The following SRP72 variants were observed in gnomAD, a reference collection of about 807,000 sequenced individuals.
SRP72 encodes signal recognition particle 72, also known as signal recognition particle subunit SRP72.
Under a neutral mutation model 96.3 loss-of-function variants are expected in SRP72, and 49 were observed. The ratio of observed to expected loss-of-function variants is 0.51; its 90% confidence interval spans 0.40 to 0.65. The LOEUF is 0.65. SRP72 is among the 30% of genes least tolerant of loss of function. The probability of loss-of-function intolerance (pLI) is 0.00; values close to 1 mark genes in which losing one functional copy is unlikely to be tolerated. For missense variants in SRP72, 736 were observed against 793.3 expected (o/e 0.93, Z 0.87); for synonymous variants, 267 against 275.2 (o/e 0.97, Z 0.30).
At chr4:56,467,808 C>A in intron 1 of SRP72, 64 bp downstream of exon 1, 1 of 1,357,758 alleles carries the variant, frequency 7.4e-7, no homozygotes. Flanking sequence ...CTGTTTCCGG[C>A]GCGCGAGACC....
At position 56,478,494 on chromosome 4, in the gene SRP72, T is replaced by G; in HGVS notation, c.758T>G (p.Ile253Arg). The G allele has an allele frequency of 1.9e-6, 3 of 1,613,984 alleles. No homozygotes were observed. The highest frequency in any genetic ancestry group is 2.5e-6 in the Non-Finnish European group (3 of 1,179,958). Reference protein sequence around the residue: ...EEALQLYNQIIKLKPTDVGLL... With the variant: ...EEALQLYNQIRKLKPTDVGLL... Reference sequence around the variant, plus strand: ...GCTTTGCAACTTTACAATCAAATAATAAAACTAAAGTGAGTTATTAAAAGG... The same window carrying G: ...GCTTTGCAACTTTACAATCAAATAAGAAAACTAAAGTGAGTTATTAAAAGG... Residue 253 changes from isoleucine (I) to arginine (R), a missense_variant, in exon 7 of 19, where the codon ATA (isoleucine) becomes AGA (arginine). Around this residue, in one of 3 missense-constraint regions of SRP72, gnomAD observed 329 missense variants for 319.0 expected, o/e 1.03. Transcript: ENST00000642900.
intron 3 of SRP72, among the ~76,000 whole-genome samples, 165 bp from the exon 4 acceptor site, chr4:56,473,889 G>A (rs915376401): frequency 6.6e-6 from 1 of 152,196 alleles, no homozygotes; most frequent in Admixed American, 6.5e-5. Context: ...TTGAAAGTAT[G>A]ACTAGTACAT....
chr4:56,472,705 G>A lies in SRP72; in HGVS notation c.354+862G>A, dbSNP rs116261459. Among the ~76,000 whole-genome samples the A allele has an allele frequency of 5.4e-3, 823 of 152,210 alleles. 8 individuals carry two copies. Among genetic ancestry groups the A allele is most frequent in the African/African-American group, 0.019 (778 of 41,534 alleles). On this transcript the variant is annotated intron_variant, in intron 3 of 18. Transcript: ENST00000642900. ...CAAATAATGTTGTATTGAATGTATT[G>A]TCCTCAGGAGGTAGTATGGATTTAA... is the stretch of plus-strand genomic sequence containing the variant.
In SRP72 at chr4:56,467,653, C is replaced by CG. The variant is rs763130641; in HGVS notation, c.25dup (p.Val9GlyfsTer9). 58 of 1,550,684 alleles carry CG rather than the reference C, an allele frequency of 3.7e-5. No homozygotes were observed. Among genetic ancestry groups the CG allele is most frequent in the Middle Eastern group, 1.7e-4 (1 of 5,892 alleles). The stretch of plus-strand genomic sequence containing the variant: ...CCTCCAAGATGGCGAGCGGCGGCAG[C>CG]GGGGGGGTGTCAGTACCTGCGCTGT... On this transcript the variant is annotated frameshift_variant, in exon 1 of 19. Coordinates refer to ENST00000642900, the MANE Select transcript of SRP72 (RefSeq NM_006947.4). LOFTEE classifies it high-confidence loss of function.
chr4:56,495,482 C>A, intron 17 of SRP72, 88 bp downstream of exon 17: 1 of 774,082 alleles, frequency 1.3e-6, no homozygotes, highest in Non-Finnish European at 2.0e-6. Context: ...CATAAATATA[C>A]TGCCCTCCCT....
intron 1 of SRP72, among the ~76,000 whole-genome samples, chr4:56,468,057 T>A (rs2110109176): frequency 6.6e-6 from 1 of 152,370 alleles, no homozygotes; most frequent in Non-Finnish European, 1.5e-5. Context: ...TTTTCTTATT[T>A]GACTCCTTTG....
At chr4:56,482,572 T>A (rs975422770) in intron 8 of SRP72, among the ~76,000 whole-genome samples, 2 of 152,328 alleles carry the variant, frequency 1.3e-5, no homozygotes, top group African/African-American at 2.4e-5. Flanking sequence ...ACTCCTTCTA[T>A]TGTAATATTT....
chr4:56,499,425 C>T (rs1194421040), intron 17 of SRP72, among the ~76,000 whole-genome samples: 1 of 152,174 alleles, frequency 6.6e-6, no homozygotes, highest in South Asian at 2.1e-4. Context: ...AAGAAGCTAT[C>T]ATCAGAGTAA....
chr4:56,481,767 CCTT>C (rs1720497175), intron 8 of SRP72, among the ~76,000 whole-genome samples: 1 of 139,180 alleles, frequency 7.2e-6, no homozygotes, highest in Non-Finnish European at 1.5e-5. Flanking sequence ...TCTGTTGGCT[CCTT>C]TTTTTTTTTT....
intron 17 of SRP72, among the ~76,000 whole-genome samples, chr4:56,497,944 T>A (rs1721134082): frequency 6.6e-6 from 1 of 152,202 alleles, no homozygotes; most frequent in Non-Finnish European, 1.5e-5. Flanking sequence ...GATGAATGAC[T>A]TTCCTTTCTC....
chr4:56,502,483 GTATATATATATACA>G lies in SRP72; in HGVS notation c.*635_*648del, dbSNP rs1179610694. ...TTCATGTTTATATATATATATATAT[GTATATATATATACA>G]TATATATATATATATAAACATGAAA... is the stretch of plus-strand genomic sequence containing the variant. On this transcript the variant is annotated 3_prime_UTR_variant, in exon 19 of 19. Transcript: ENST00000642900. 6.6e-5 allele frequency: 6 copies of G among 91,098 alleles called. No homozygotes were observed. The highest frequency in any genetic ancestry group is 5.0e-4 in the East Asian group (1 of 1,994). The allele number at this position is 91,098 out of a possible 1,614,324, so 5.6% of individuals were successfully genotyped here. A position where few individuals can be genotyped will look rare whatever the true frequency, so the allele number is the denominator to read the frequency against.
At chr4:56,474,963 C>T (rs1314531671) in intron 5 of SRP72, among the ~76,000 whole-genome samples, 2 of 152,028 alleles carry the variant, frequency 1.3e-5, no homozygotes, top group African/African-American at 2.4e-5. Context: ...GGGATTACAG[C>T]CGTGAGCCAC....
intron 1 of SRP72, among the ~76,000 whole-genome samples, chr4:56,467,993 G>A (rs1719814452): frequency 6.6e-6 from 1 of 152,252 alleles, no homozygotes; most frequent in African/African-American, 2.4e-5. Context: ...CCCTCCGCGG[G>A]AAGCGAGGGA....
At position 56,482,777 on chromosome 4, in the gene SRP72, A is replaced by G. The variant is rs554891479; in HGVS notation, c.826-362A>G. The stretch of plus-strand genomic sequence containing the variant: ...TCCCTTTTTTTCCTTCAAAAAGCTC[A>G]AAACAAGCAATTAATAGTGGAAAAA... On this transcript the variant is annotated intron_variant, in intron 8 of 18. Transcript: ENST00000642900. Among the ~76,000 whole-genome samples the G allele has an allele frequency of 6.6e-5, 10 of 152,354 alleles. No homozygotes were observed. The South Asian group carries it at 2.1e-3, about 32-fold the overall frequency.
intron 16 of SRP72, among the ~76,000 whole-genome samples, chr4:56,492,832 C>T (rs1720953055): frequency 1.3e-5 from 2 of 152,020 alleles, no homozygotes; most frequent in Admixed American, 6.6e-5. Context: ...TAAGGACACG[C>T]AGTTCCTTCT....
intron 10 of SRP72, 127 bp from the exon 11 acceptor site, chr4:56,486,198 A>T: frequency 1.6e-6 from 1 of 632,156 alleles, no homozygotes; most frequent in Non-Finnish European, 2.5e-6. Context: ...TAAGATTTTG[A>T]CCTGCAGCCA....
chr4:56,485,295 AACT>A (rs1392589706), intron 10 of SRP72, among the ~76,000 whole-genome samples: 1 of 151,930 alleles, frequency 6.6e-6, no homozygotes, highest in Non-Finnish European at 1.5e-5. Flanking sequence ...CTTGAATATA[AACT>A]ACATTGGAAA....
chr4:56,474,690 C>G (rs566163199), intron 5 of SRP72, among the ~76,000 whole-genome samples: 6 of 151,932 alleles, frequency 3.9e-5, no homozygotes, highest in Admixed American at 3.9e-4. Flanking sequence ...ATTATAGGTG[C>G]GCGTCACCAC....
At chr4:56,483,682 AAAAG>A (rs747197952) in intron 9 of SRP72, among the ~76,000 whole-genome samples, 22 of 152,314 alleles carry the variant, frequency 1.4e-4, no homozygotes, top group African/African-American at 2.6e-4. Context: ...AGAAAAAAAA[AAAAG>A]AAAGAATATT....
Sources: allele counts gnomAD v4.1 joint callset (sites outside exome capture counted in the v4.1 genomes callset), GRCh38; gene constraint gnomAD v4.1.1; regional missense constraint gnomAD v4.1.1; transcripts MANE v1.5; gene names NCBI Gene and HGNC (gene_info 2026-07-23, HGNC 2026-07-21).